Variants in NEGR1 observed in about 807,000 individuals in gnomAD.
NEGR1 encodes the protein IgLON family member 4.
A neutral mutation model predicts 40.9 loss-of-function variants in NEGR1; 10 were observed. The ratio of observed to expected loss-of-function variants is 0.24; its 90% CI spans 0.15 to 0.42. The LOEUF (loss-of-function observed/expected upper bound fraction) is 0.42, where lower values mean the gene tolerates loss of function less well. NEGR1 is among the 10% of genes least tolerant of loss of function. The pLI is 1.00. For missense variants in NEGR1, 352 were observed against 438.9 expected (o/e 0.80, Z 1.77); for synonymous variants, 185 against 166.8 (o/e 1.11, Z -0.84).
At chr1:71,740,940 T>A (rs1655193627) in intron 3 of NEGR1, among the ~76,000 whole-genome samples, 1 of 152,220 alleles carries the variant, frequency 6.6e-6, no homozygotes, top group Non-Finnish European at 1.5e-5. Flanking sequence ...GCTCCTGCTT[T>A]ACTTCAGTGT....
At chr1:71,589,429 T>C (rs547360524) in intron 6 of NEGR1, among the ~76,000 whole-genome samples, 1 of 152,266 alleles carries the variant, frequency 6.6e-6, no homozygotes, top group South Asian at 2.1e-4. Flanking sequence ...ATCACCTCCA[T>C]TCTGATAACT....
chr1:72,279,428 C>T (rs1271902021), intron 1 of NEGR1, among the ~76,000 whole-genome samples: 1 of 151,998 alleles, frequency 6.6e-6, no homozygotes, highest in Admixed American at 6.6e-5. Context: ...AACTGTTATG[C>T]CACTATTTGT....
chr1:72,240,848 T>A (rs1654709181), intron 1 of NEGR1, among the ~76,000 whole-genome samples: 1 of 151,740 alleles, frequency 6.6e-6, no homozygotes. Flanking sequence ...ACTGTGTGAG[T>A]TTTGATGATA....
chr1:71,430,459 G>A (rs1557523018), intron 6 of NEGR1, among the ~76,000 whole-genome samples: 1 of 151,858 alleles, frequency 6.6e-6, no homozygotes, highest in Non-Finnish European at 1.5e-5. Flanking sequence ...TCATGGTTTT[G>A]ATTTTTTAAT....
intron 2 of NEGR1, among the ~76,000 whole-genome samples, chr1:71,895,744 G>T (rs920110365): frequency 1.3e-5 from 2 of 152,046 alleles, no homozygotes; most frequent in Non-Finnish European, 2.9e-5. Flanking sequence ...CATCAGTAAC[G>T]CTGCTAAGAG....
intron 4 of NEGR1, among the ~76,000 whole-genome samples, chr1:71,614,960 A>G (rs1229892385): frequency 6.6e-6 from 1 of 152,212 alleles, no homozygotes; most frequent in Non-Finnish European, 1.5e-5. Context: ...AAAATGTCAC[A>G]TGGAAATATG....
chr1:71,774,770 C>T (rs1312827273), intron 3 of NEGR1, among the ~76,000 whole-genome samples: 6 of 152,030 alleles, frequency 3.9e-5, no homozygotes, highest in Non-Finnish European at 8.8e-5. Context: ...TCTCTGACTC[C>T]CAGGGTGCAC....
intron 1 of NEGR1, among the ~76,000 whole-genome samples, chr1:72,070,424 A>G (rs989318893): frequency 6.6e-6 from 1 of 152,028 alleles, no homozygotes; most frequent in Non-Finnish European, 1.5e-5. Flanking sequence ...TTAGATATCA[A>G]TAGTAATTTG....
rs1242074113 is a variant in NEGR1, at chr1:71,396,506, G to A, written c.*10940C>T. Reference sequence around the variant, plus strand: ...ACAAATAACAGGTTCTTCTTGAAATGATACTAGCTTGAGAATGTGCCTCAA... The same window carrying A: ...ACAAATAACAGGTTCTTCTTGAAATAATACTAGCTTGAGAATGTGCCTCAA... On this transcript the variant is annotated 3_prime_UTR_variant, in exon 7 of 7. Transcript: ENST00000357731. The A allele has an allele frequency of 1.3e-5, 2 of 152,178 alleles. No individual in the cohort carries two copies. Among genetic ancestry groups the A allele is most frequent in the Non-Finnish European group, 2.9e-5 (2 of 68,026 alleles). The allele number at this position is 152,178 out of a possible 1,614,324, so 9.4% of individuals were successfully genotyped here.
chr1:72,013,545 TA>T (rs1024277194), intron 1 of NEGR1, among the ~76,000 whole-genome samples: 36 of 152,188 alleles, frequency 2.4e-4, no homozygotes, highest in African/African-American at 8.7e-4. Flanking sequence ...TACACACAAT[TA>T]AAATCTAAAT....
At chr1:71,722,152 A>G (rs1480020883) in intron 3 of NEGR1, among the ~76,000 whole-genome samples, 1 of 152,124 alleles carries the variant, frequency 6.6e-6, no homozygotes, top group African/African-American at 2.4e-5. Flanking sequence ...GAATAGATTG[A>G]GGAGGCATGA....
chr1:71,739,873 T>C (rs1428160981), intron 3 of NEGR1, among the ~76,000 whole-genome samples: 1 of 152,208 alleles, frequency 6.6e-6, no homozygotes, highest in Non-Finnish European at 1.5e-5. Flanking sequence ...AGCTTTTAAG[T>C]TTTATTTAAT....
chr1:72,157,763 C>T (rs986480623), intron 1 of NEGR1, among the ~76,000 whole-genome samples: 1 of 152,116 alleles, frequency 6.6e-6, no homozygotes, highest in African/African-American at 2.4e-5. Context: ...GTGAGGACTG[C>T]GAGTCATTAA....
chr1:72,066,319 T>G (rs1328704878), intron 1 of NEGR1, among the ~76,000 whole-genome samples: 1 of 152,134 alleles, frequency 6.6e-6, no homozygotes, highest in Non-Finnish European at 1.5e-5. Context: ...TAACATTCAC[T>G]TCAACTTACA....
intron 6 of NEGR1, among the ~76,000 whole-genome samples, chr1:71,469,340 G>T (rs1301955807): frequency 6.6e-6 from 1 of 151,910 alleles, no homozygotes; most frequent in African/African-American, 2.4e-5. Context: ...GTAAAATAGA[G>T]CGCACCACTT....
intron 1 of NEGR1, among the ~76,000 whole-genome samples, chr1:72,089,845 T>G (rs745888703): frequency 6.6e-6 from 1 of 152,220 alleles, no homozygotes; most frequent in South Asian, 2.1e-4. Context: ...AATTTTAAAT[T>G]TTGTTGAGAT....
chr1:72,131,616 A>G (rs1316865768), intron 1 of NEGR1, among the ~76,000 whole-genome samples: 5 of 152,224 alleles, frequency 3.3e-5, no homozygotes, highest in African/African-American at 4.8e-5. Context: ...GTAGTCTGTT[A>G]TTCTCAGAGA....
chr1:71,438,369 A>G (rs1646523834), intron 6 of NEGR1, among the ~76,000 whole-genome samples: 1 of 152,204 alleles, frequency 6.6e-6, no homozygotes, highest in Non-Finnish European at 1.5e-5. Flanking sequence ...TCAAATTATA[A>G]TGACACTTCA....
chr1:71,780,807 C>G (rs986438624), intron 2 of NEGR1, among the ~76,000 whole-genome samples: 6 of 152,186 alleles, frequency 3.9e-5, no homozygotes, highest in African/African-American at 7.2e-5. Context: ...TAACATATGT[C>G]TCTTGTTAGT....
Sources: gnomAD v4.1 joint callset for allele counts (sites outside exome capture counted in the v4.1 genomes callset) on GRCh38, gnomAD v4.1.1 for gene constraint, MANE v1.5 for transcripts, NCBI Gene and HGNC (gene_info 2026-07-23, HGNC 2026-07-21) for gene names.